POU2F2: variants seen among roughly 807,000 people sequenced by gnomAD.
POU2F2 encodes POU domain, class 2, transcription factor 2.
A neutral mutation model predicts 63.5 loss-of-function variants in POU2F2; 14 were observed. That is an observed-to-expected ratio of 0.22 (90% CI 0.15 to 0.34). The LOEUF (loss-of-function observed/expected upper bound fraction) is 0.34. Ranked by LOEUF, POU2F2 falls within the 10% of genes least tolerant of loss-of-function variation. The pLI, the probability that POU2F2 is intolerant of heterozygous loss-of-function variation, is 1.00. For missense variants in POU2F2, 607 were observed against 815.2 expected, an observed-to-expected ratio of 0.74 and a Z score of 3.11; for synonymous variants, 306 against 348.6, an observed-to-expected ratio of 0.88 and a Z score of 1.36.
chr19:42,090,965 T>C lies in POU2F2; in HGVS notation c.*292A>G, dbSNP rs914157264. 1 of 300,354 alleles carries C rather than the reference T, an allele frequency of 3.3e-6. No individual in the cohort carries two copies. Among genetic ancestry groups the C allele is most frequent in the Admixed American group, 4.6e-5 (1 of 21,838 alleles). 18.6% of individuals were successfully genotyped at this position (300,354 alleles called of 1,614,324 possible). Reference sequence around the variant, plus strand: ...ACTGGTTTTTTGGTTTGTTTGATTTTGTGGGTTTTTTTTTTTTTTGGTTTG... The same window carrying C: ...ACTGGTTTTTTGGTTTGTTTGATTTCGTGGGTTTTTTTTTTTTTTGGTTTG... On this transcript the variant is annotated 3_prime_UTR_variant, in exon 15 of 15. Transcript: ENST00000692977. This position sits in a 1 kb window ranked among gnomAD's most constrained non-coding sequence, Gnocchi z 4.4.
At chr19:42,154,100 C>G (rs1052144006) in intron 2 of POU2F2, among the ~76,000 whole-genome samples, 1 of 151,710 alleles carries the variant, frequency 6.6e-6, no homozygotes, top group Non-Finnish European at 1.5e-5. Flanking sequence ...CACCCGCTCC[C>G]CCCGCCCTCC....
intron 5 of POU2F2, among the ~76,000 whole-genome samples, chr19:42,106,011 CTT>C (rs1491268175): frequency 7.2e-6 from 1 of 138,144 alleles, no homozygotes; most frequent in Non-Finnish European, 1.6e-5. Flanking sequence ...TTCTTTCTTT[CTT>C]TCTTTCTTTC....
At chr19:42,182,520 C>T (rs1023571738) in intron 1 of POU2F2, among the ~76,000 whole-genome samples, 2 of 151,844 alleles carry the variant, frequency 1.3e-5, no homozygotes, top group Non-Finnish European at 2.9e-5. Context: ...AGATAAAGAC[C>T]GAAGGGAAAG....
At chr19:42,170,018 C>T (rs1329025689) in intron 1 of POU2F2, among the ~76,000 whole-genome samples, 3 of 152,050 alleles carry the variant, frequency 2.0e-5, no homozygotes, top group African/African-American at 4.8e-5. Flanking sequence ...GGGCTGGTCC[C>T]CACAGCCCCT....
At chr19:42,174,632 G>A (rs536533075) in intron 1 of POU2F2, among the ~76,000 whole-genome samples, 1 of 151,138 alleles carries the variant, frequency 6.6e-6, no homozygotes, top group South Asian at 2.1e-4. Flanking sequence ...CCAAGGCTTC[G>A]AGGCCCAGCA....
intron 2 of POU2F2, among the ~76,000 whole-genome samples, chr19:42,145,623 T>G (rs867231958): frequency 6.6e-6 from 1 of 152,164 alleles, no homozygotes; most frequent in Non-Finnish European, 1.5e-5. Context: ...TTGGAAAAGC[T>G]TGGGAGAGGG....
chr19:42,093,004 TATA>T (rs1326162704), intron 12 of POU2F2, among the ~76,000 whole-genome samples: 1,506 of 98,922 alleles, frequency 0.015, 22 homozygotes, highest in Non-Finnish European at 0.023. Flanking sequence ...TATATATATA[TATA>T]TATTTTTTTT....
chr19:42,099,444 C>G (rs2077044323), intron 7 of POU2F2, 83 bp downstream of exon 7: 2 of 1,238,140 alleles, frequency 1.6e-6, no homozygotes, highest in Non-Finnish European at 2.3e-6. Context: ...AGGAGACTCT[C>G]ACTCATCCCC....
At chr19:42,129,294 T>C (rs1402386683) in intron 1 of POU2F2, among the ~76,000 whole-genome samples, 4 of 151,972 alleles carry the variant, frequency 2.6e-5, no homozygotes, top group African/African-American at 9.7e-5. Context: ...GAAAAAGCAA[T>C]GCATAGCCCT....
At chr19:42,147,556 T>C (rs1255687300) in intron 2 of POU2F2, among the ~76,000 whole-genome samples, 4 of 152,224 alleles carry the variant, frequency 2.6e-5, no homozygotes, top group African/African-American at 7.2e-5. Flanking sequence ...ACATCTTTAG[T>C]GCCCAACAAA....
chr19:42,092,180 T>A lies in POU2F2; in HGVS notation c.1355A>T (p.Asn452Ile). 1 of 1,568,242 alleles carries A rather than the reference T, an allele frequency of 6.4e-7. No individual in the cohort carries two copies. Residue 452 changes from asparagine to isoleucine, a missense_variant, in exon 13 of 15, where the codon AAT becomes ATT. Asn to Ile is a moderately radical substitution (Grantham distance 149). This residue lies in a region of POU2F2 where 270 missense variants were observed against 307.5 expected (regional missense o/e 0.88). Coordinates refer to ENST00000692977, the MANE Select transcript of POU2F2 (RefSeq NM_001394376.1). The surrounding 1 kb of genome is among the most constrained non-coding windows in gnomAD (Gnocchi z 5.0). ...TGGGGGAGTGACAGAGGGGATGGAA[T>A]TGAGGGGGGGCGCAGCCCCGCCCCC... ...GGGGGAAPPL[N>I]SIPSVTPPPP...
In POU2F2 at chr19:42,122,542, C is replaced by T. The variant is rs1483823185; in HGVS notation, c.63G>A (p.Lys21=). ...GCTCTGATGGGGAGTCCAGACCTTG[C>T]TTCTCGGCCTCCAGGGGCTTAGACA... ...IRMSKPLEAE[K]QGLDSPSEHT... is the part of the protein sequence containing the mutation. Residue 21 remains lysine, a synonymous_variant, in exon 2 of 15, where the codon AAG becomes AAA. Transcript: ENST00000692977. The T allele has an allele frequency of 6.2e-7, 1 of 1,605,054 alleles. No individual in the cohort carries two copies. Among genetic ancestry groups the T allele is most frequent in the East Asian group, 2.2e-5 (1 of 44,684 alleles).
At chr19:42,106,764 A>G (rs915518305) in intron 5 of POU2F2, among the ~76,000 whole-genome samples, 4 of 148,624 alleles carry the variant, frequency 2.7e-5, no homozygotes, top group African/African-American at 2.5e-5. Context: ...AAAAAACAAG[A>G]AGGAGGAAGA....
rs1024309351 is a variant in POU2F2 at position 42,096,803 on chromosome 19, T to G, written c.568-560A>C. Among the ~76,000 whole-genome samples, 4 of 152,196 alleles carry G rather than the reference T, an allele frequency of 2.6e-5. No homozygotes were observed. The highest frequency in any genetic ancestry group is 9.7e-5 in the African/African-American group (4 of 41,442). ...AGCTATGAACTTTGGGTAATAGTGA[T>G]GTGTCAATGTAGGTTCATCACCTGT... On this transcript the variant is annotated intron_variant, in intron 7 of 14. Transcript: ENST00000692977. This position sits in a 1 kb window ranked among gnomAD's most constrained non-coding sequence, Gnocchi z 4.1.
chr19:42,121,476 T>C (rs1600117144), intron 4 of POU2F2, among the ~76,000 whole-genome samples: 1 of 152,026 alleles, frequency 6.6e-6, no homozygotes, highest in Middle Eastern at 3.4e-3. Context: ...TGTAGCAGGG[T>C]GGGGAGCAGT....
At position 42,091,569 on chromosome 19, in the gene POU2F2, C is replaced by T. The variant is rs1174173982; in HGVS notation, c.1563G>A (p.Leu521=). 6.4e-7 allele frequency: 1 copy of T among 1,553,222 alleles called. No individual in the cohort carries two copies. The highest frequency in any genetic ancestry group is 2.4e-5 in the East Asian group (1 of 41,894). ...CGCTGCCATCAAGGCTGGTAAGGGG[C>T]AGGGTTCCACCAGAGGCCAGGGCTG... ...TIQALASGGT[L]PLTSLDGSGN... Residue 521 remains leucine, a synonymous_variant, in exon 15 of 15, where the codon CTG becomes CTA. Transcript: ENST00000692977.
At chr19:42,107,326 G>A (rs948161961) in intron 5 of POU2F2, among the ~76,000 whole-genome samples, 2 of 152,270 alleles carry the variant, frequency 1.3e-5, no homozygotes, top group Admixed American at 6.5e-5. Flanking sequence ...CTGCACTCCA[G>A]CTCGAGCAAC....
At chr19:42,148,602 C>G (rs904769667) in intron 2 of POU2F2, among the ~76,000 whole-genome samples, 6 of 152,090 alleles carry the variant, frequency 3.9e-5, no homozygotes, top group African/African-American at 1.2e-4. Flanking sequence ...AAAGGACACC[C>G]AGGGTCATCC....
At chr19:42,188,041 G>A (rs2035032380) in intron 1 of POU2F2, among the ~76,000 whole-genome samples, 1 of 152,028 alleles carries the variant, frequency 6.6e-6, no homozygotes, top group Admixed American at 6.6e-5. Context: ...TGTGGCAAAA[G>A]TGATGGGATA....
Sources: gnomAD v4.1 joint callset for allele counts (sites outside exome capture counted in the v4.1 genomes callset) on GRCh38, gnomAD v4.1.1 for gene constraint, gnomAD v4.1.1 regional missense constraint, Gnocchi (gnomAD v3.1) non-coding constraint, MANE v1.5 for transcripts, NCBI Gene and HGNC (gene_info 2026-07-23, HGNC 2026-07-21) for gene names.